Variants in ZMYND11 observed in about 807,000 individuals in gnomAD.
ZMYND11 encodes zinc finger MYND-type containing 11, also known as zinc finger MYND domain-containing protein 11.
In ZMYND11, 9 loss-of-function variants were observed where a neutral mutation model predicts 84.9. That is an observed-to-expected ratio of 0.11 (90% confidence interval 0.06 to 0.18). The LOEUF (loss-of-function observed/expected upper bound fraction) is 0.18, where lower values mean the gene tolerates loss of function less well. Ranked by LOEUF, ZMYND11 falls within the 10% of genes least tolerant of loss-of-function variation. The probability of loss-of-function intolerance (pLI) is 1.00; values close to 1 mark genes in which losing one functional copy is unlikely to be tolerated. For synonymous variants in ZMYND11, 250 were observed against 244.1 expected (o/e 1.02, Z -0.23); for missense variants, 409 against 761.0 (o/e 0.54, Z 5.44).
intron 3 of ZMYND11, among the ~76,000 whole-genome samples, chr10:217,827 C>T (rs1415710544): frequency 1.3e-5 from 2 of 152,188 alleles, no homozygotes; most frequent in Non-Finnish European, 2.9e-5. Flanking sequence ...AGCATTCTGC[C>T]TGAGATTATA....
chr10:132,026 T>C (rs180761082), upstream of ZMYND11, among the ~76,000 whole-genome samples: 3 of 152,210 alleles, frequency 2.0e-5, no homozygotes, highest in Admixed American at 1.3e-4. Flanking sequence ...TAGTAACTTA[T>C]ATGCCAGAAT....
chr10:192,828 G>T (rs1940792447), intron 2 of ZMYND11, among the ~76,000 whole-genome samples: 1 of 152,112 alleles, frequency 6.6e-6, no homozygotes, highest in Non-Finnish European at 1.5e-5. Context: ...ATAAGGTTTT[G>T]GGTTTCCTCT....
At chr10:146,792 T>C (rs1838973230) in intron 1 of ZMYND11, among the ~76,000 whole-genome samples, 1 of 152,216 alleles carries the variant, frequency 6.6e-6, no homozygotes, top group South Asian at 2.1e-4. Flanking sequence ...GGTGGTGGGT[T>C]TTCCCCATGC....
intron 1 of ZMYND11, chr10:148,365 T>A (rs969958726): frequency 1.3e-5 from 2 of 149,056 alleles, no homozygotes; most frequent in South Asian, 4.3e-4. Context: ...CTAACTTCCT[T>A]TGCTCTGGGA....
chr10:240,166 T>A (rs1016986285), intron 8 of ZMYND11, 55 bp downstream of exon 8: 15 of 1,403,288 alleles, frequency 1.1e-5, no homozygotes, highest in Non-Finnish European at 1.5e-5. Flanking sequence ...TTAATTTATT[T>A]CAGGATTCCA....
intron 4 of ZMYND11, 48 bp downstream of exon 4, chr10:221,404 T>C: frequency 6.4e-7 from 1 of 1,572,284 alleles, no homozygotes; most frequent in Non-Finnish European, 8.6e-7. Flanking sequence ...TTGGAATTAA[T>C]TCATAATAGC....
At chr10:211,564 C>G (rs11250980) in intron 3 of ZMYND11, among the ~76,000 whole-genome samples, 1 of 152,140 alleles carries the variant, frequency 6.6e-6, no homozygotes, top group African/African-American at 2.4e-5. Context: ...TTTATAGCAA[C>G]AGCTGTGATA....
chr10:200,231 A>G (rs1942829829), intron 2 of ZMYND11, among the ~76,000 whole-genome samples: 1 of 10,524 alleles, frequency 9.5e-5, no homozygotes, highest in Non-Finnish European at 6.4e-4. Flanking sequence ...TGTGTATAAT[A>G]TATATAAAAA....
intron 1 of ZMYND11, among the ~76,000 whole-genome samples, chr10:160,717 A>G (rs77361488): frequency 1.9e-4 from 29 of 152,286 alleles, no homozygotes; most frequent in African/African-American, 7.0e-4. Context: ...TTCCATCTCA[A>G]GAAACTACTT....
rs376931420 is a variant in ZMYND11 at position 158,984 on chromosome 10, G to GTTTTTTTTTTTTTTTTTTTTTTTTTTTT, written c.-19-21004_-19-21003insTTTTTTTTTTTTTTTTTTTTTTTTTTTT. Among the ~76,000 whole-genome samples the GTTTTTTTTTTTTTTTTTTTTTTTTTTTT allele has an allele frequency of 2.2e-4, 9 of 40,054 alleles. 1 individual carries two copies. Among genetic ancestry groups the GTTTTTTTTTTTTTTTTTTTTTTTTTTTT allele is most frequent in the East Asian group, 9.9e-4 (1 of 1,008 alleles). 26.3% of individuals were successfully genotyped at this position (40,054 alleles called of 152,430 possible). A position where few individuals can be genotyped will look rare whatever the true frequency, so the allele number is the denominator to read the frequency against. On this transcript the variant is annotated intron_variant, in intron 1 of 14. Transcript: ENST00000381604. Reference sequence around the variant, plus strand: ...AGATATATGATTTGCAGGGTTTTTTGTTTTTTGTTTTTTTTTTTTTTTTTA... The same window carrying GTTTTTTTTTTTTTTTTTTTTTTTTTTTT: ...AGATATATGATTTGCAGGGTTTTTTGTTTTTTTTTTTTTTTTTTTTTTTTTTTTTTTTTTGTTTTTTTTTTTTTTTTTA...
chr10:144,511 C>T (rs1268600471), intron 1 of ZMYND11, among the ~76,000 whole-genome samples: 1 of 152,008 alleles, frequency 6.6e-6, no homozygotes, highest in Non-Finnish European at 1.5e-5. Flanking sequence ...TGTGAGCCAC[C>T]TTGCCTGGCC....
intron 2 of ZMYND11, among the ~76,000 whole-genome samples, chr10:198,702 G>T (rs1942377276): frequency 6.6e-6 from 1 of 152,134 alleles, no homozygotes; most frequent in Non-Finnish European, 1.5e-5. Context: ...TGAAAAGAAG[G>T]ATTATTACAC....
At chr10:247,037 C>A in intron 11 of ZMYND11, 64 bp downstream of exon 11, 1 of 1,412,002 alleles carries the variant, frequency 7.1e-7, no homozygotes. Flanking sequence ...AATCTTAGTG[C>A]ACACTCCTCA....
At chr10:210,656 A>G (rs1409599575) in intron 3 of ZMYND11, among the ~76,000 whole-genome samples, 1 of 152,178 alleles carries the variant, frequency 6.6e-6, no homozygotes, top group Non-Finnish European at 1.5e-5. Context: ...CCTCTTTTAA[A>G]TGTTGATATT....
At chr10:186,640 C>A (rs1938556542) in intron 2 of ZMYND11, among the ~76,000 whole-genome samples, 1 of 68,156 alleles carries the variant, frequency 1.5e-5, no homozygotes, top group Non-Finnish European at 2.5e-5. Context: ...GCAGGACTCT[C>A]TCAAAAAAAA....
chr10:130,834 CGGGGCCGGGCACG>C (rs797031981), upstream of ZMYND11, among the ~76,000 whole-genome samples: 129 of 152,272 alleles, frequency 8.5e-4, no homozygotes, highest in African/African-American at 3.0e-3. Flanking sequence ...AGAAGAGAGT[CGGGGCCGGGCACG>C]GTGGCTCGCG....
At chr10:197,509 C>T (rs570656312) in intron 2 of ZMYND11, among the ~76,000 whole-genome samples, 82 of 152,280 alleles carry the variant, frequency 5.4e-4, no homozygotes, top group African/African-American at 1.5e-3. Context: ...GACTTCTATA[C>T]CTCTATAAAG....
At chr10:181,622 C>T (rs948819379) in intron 2 of ZMYND11, among the ~76,000 whole-genome samples, 1 of 151,836 alleles carries the variant, frequency 6.6e-6, no homozygotes, top group African/African-American at 2.4e-5. Flanking sequence ...TGTCTCACAA[C>T]AAACCAACAA....
chr10:173,210 C>T (rs1564314634), intron 1 of ZMYND11, among the ~76,000 whole-genome samples: 1 of 152,146 alleles, frequency 6.6e-6, no homozygotes. Context: ...GGTACAACAG[C>T]AAAGGCATGA....
Sources: allele counts gnomAD v4.1 joint callset (sites outside exome capture counted in the v4.1 genomes callset), GRCh38; gene constraint gnomAD v4.1.1; transcripts MANE v1.5; gene names NCBI Gene and HGNC (gene_info 2026-07-23, HGNC 2026-07-21).